Variants in HTR7 observed in about 807,000 individuals in gnomAD.
HTR7 encodes the protein 5-hydroxytryptamine receptor 7.
Under a neutral mutation model 34.0 loss-of-function variants are expected in HTR7, and 16 were observed. The observed-to-expected ratio is 0.47, with a 90% CI of 0.32 to 0.71. The LOEUF (loss-of-function observed/expected upper bound fraction) is 0.71. HTR7 is among the 30% of genes least tolerant of loss of function. The pLI is 0.04. For synonymous variants in HTR7, 265 were observed against 260.2 expected (o/e 1.02, Z -0.18); for missense variants, 504 against 625.5 (o/e 0.81, Z 2.07).
At chr10:90,846,389 T>C (rs1202517883) in intron 1 of HTR7, among the ~76,000 whole-genome samples, 1 of 152,180 alleles carries the variant, frequency 6.6e-6, no homozygotes, top group African/African-American at 2.4e-5. Flanking sequence ...GCCCAATTTG[T>C]ACTAGGTTTA....
intron 1 of HTR7, among the ~76,000 whole-genome samples, chr10:90,758,344 C>CAAAAAAAAAAAA (rs58130009): frequency 0.026 from 1,326 of 50,892 alleles, 135 homozygotes; most frequent in Middle Eastern, 0.062. Context: ...GGCTCTGTCT[C>CAAAAAAAAAAAA]AAAAAAAAAA....
chr10:90,747,199 G>A (rs1844653554), intron 2 of HTR7, among the ~76,000 whole-genome samples: 1 of 152,214 alleles, frequency 6.6e-6, no homozygotes, highest in Non-Finnish European at 1.5e-5. Context: ...ATAGCATGTA[G>A]CGGGTGTTCA....
intron 1 of HTR7, among the ~76,000 whole-genome samples, chr10:90,818,949 G>GT (rs1049475901): frequency 6.6e-6 from 1 of 152,100 alleles, no homozygotes; most frequent in African/African-American, 2.4e-5. Flanking sequence ...TGCTCCAGCC[G>GT]TGTTAAGACA....
intron 1 of HTR7, among the ~76,000 whole-genome samples, chr10:90,795,123 T>C (rs1845518339): frequency 6.6e-6 from 1 of 152,222 alleles, no homozygotes; most frequent in African/African-American, 2.4e-5. Context: ...GAACATGAGA[T>C]TGCAGATATC....
chr10:90,750,359 T>C (rs1040013175), intron 1 of HTR7, among the ~76,000 whole-genome samples: 1 of 152,154 alleles, frequency 6.6e-6, no homozygotes, highest in Non-Finnish European at 1.5e-5. Flanking sequence ...CTTAGTTCTA[T>C]AGAGGGAATA....
intron 1 of HTR7, among the ~76,000 whole-genome samples, chr10:90,758,631 C>A (rs1401959764): frequency 2.6e-5 from 4 of 152,044 alleles, no homozygotes; most frequent in Non-Finnish European, 5.9e-5. Flanking sequence ...AGGACATTTT[C>A]CTTGAATCAG....
At chr10:90,822,797 G>A (rs771557025) in intron 1 of HTR7, among the ~76,000 whole-genome samples, 6 of 152,180 alleles carry the variant, frequency 3.9e-5, no homozygotes, top group Non-Finnish European at 7.3e-5. Context: ...GTGCAGCCTC[G>A]AGACATGTCA....
At chr10:90,774,278 TCTA>T (rs538252810) in intron 1 of HTR7, among the ~76,000 whole-genome samples, 87 of 152,376 alleles carry the variant, frequency 5.7e-4, no homozygotes, top group African/African-American at 2.0e-3. Flanking sequence ...GGAGCAGCTT[TCTA>T]CTTTTTCCAC....
intron 2 of HTR7, 121 bp downstream of exon 2, chr10:90,748,718 T>G: frequency 8.9e-7 from 1 of 1,129,010 alleles, no homozygotes; most frequent in Non-Finnish European, 1.3e-6. Context: ...TCAATTCAAA[T>G]CTGGTATGTT....
chr10:90,774,187 A>G (rs1479773270), intron 1 of HTR7, among the ~76,000 whole-genome samples: 1 of 152,142 alleles, frequency 6.6e-6, no homozygotes, highest in East Asian at 1.9e-4. Flanking sequence ...AGAATTTTCC[A>G]CAGAAGATGG....
intron 1 of HTR7, among the ~76,000 whole-genome samples, chr10:90,838,374 C>G (rs111236465): frequency 2.0e-5 from 3 of 152,106 alleles, no homozygotes; most frequent in African/African-American, 7.2e-5. Context: ...AAGACAGATC[C>G]GGAATTTCTC....
chr10:90,757,759 C>T (rs1202087455), intron 1 of HTR7, among the ~76,000 whole-genome samples: 1 of 152,042 alleles, frequency 6.6e-6, no homozygotes, highest in Non-Finnish European at 1.5e-5. Context: ...CAGAAACATG[C>T]TCCAACAATA....
Position 90,813,130 on chromosome 10 carries a change from A to G in HTR7, c.539+44003T>C, listed in dbSNP as rs867503227. Among the ~76,000 whole-genome samples, 72 of 152,142 alleles carry G rather than the reference A, an allele frequency of 4.7e-4. No individual in the cohort carries two copies. The Middle Eastern group carries it at 0.01, about 22-fold the overall frequency. On this transcript the variant is annotated intron_variant, in intron 1 of 3. Transcript: ENST00000336152. The stretch of plus-strand genomic sequence containing the variant: ...TTCCTTTACCTACCCAAATCTTATA[A>G]AACGGCCCCACCCCTATCTCCCTTT...
At chr10:90,846,101 T>C (rs1846410305) in intron 1 of HTR7, among the ~76,000 whole-genome samples, 1 of 152,252 alleles carries the variant, frequency 6.6e-6, no homozygotes, top group Admixed American at 6.5e-5. Flanking sequence ...AGAATCTTTT[T>C]TATATTTTGA....
At chr10:90,798,166 T>C (rs1845571063) in intron 1 of HTR7, among the ~76,000 whole-genome samples, 1 of 152,174 alleles carries the variant, frequency 6.6e-6, no homozygotes. Context: ...GCTAAAAAAA[T>C]GGGAGTTGTT....
At chr10:90,805,516 T>G (rs1369549326) in intron 1 of HTR7, among the ~76,000 whole-genome samples, 1 of 152,236 alleles carries the variant, frequency 6.6e-6, no homozygotes, top group African/African-American at 2.4e-5. Context: ...TGCTTGCCTT[T>G]GTTTTGTTCT....
chr10:90,745,772 T>C (rs1844623513), intron 2 of HTR7, among the ~76,000 whole-genome samples: 1 of 152,246 alleles, frequency 6.6e-6, no homozygotes, highest in Non-Finnish European at 1.5e-5. Flanking sequence ...TAAAGTTTTA[T>C]TGGTACACGG....
intron 1 of HTR7, among the ~76,000 whole-genome samples, chr10:90,804,596 C>T (rs1284864256): frequency 6.6e-6 from 1 of 152,184 alleles, no homozygotes; most frequent in African/African-American, 2.4e-5. Flanking sequence ...CACCCCTCCC[C>T]ACTCCTTCAG....
At chr10:90,840,156 ATC>A (rs1374864775) in intron 1 of HTR7, among the ~76,000 whole-genome samples, 7 of 133,180 alleles carry the variant, frequency 5.3e-5, no homozygotes, top group African/African-American at 2.0e-4. Context: ...CTGTCTCTCC[ATC>A]TGTTTCTCTC....
Sources: allele counts gnomAD v4.1 joint callset (sites outside exome capture counted in the v4.1 genomes callset), GRCh38; gene constraint gnomAD v4.1.1; transcripts MANE v1.5; gene names NCBI Gene and HGNC (gene_info 2026-07-23, HGNC 2026-07-21).